ESRRB: variants seen among roughly 807,000 people sequenced by gnomAD.
ESRRB encodes the protein estrogen related receptor beta.
A neutral mutation model predicts 46.0 loss-of-function variants in ESRRB; 16 were observed. The ratio of observed to expected loss-of-function variants is 0.35; its 90% confidence interval spans 0.24 to 0.53. The LOEUF is 0.53. ESRRB is among the 20% of genes least tolerant of loss of function. The pLI is 0.93. For missense variants in ESRRB, 488 were observed against 607.4 expected, an observed-to-expected ratio of 0.80 and a Z score of 2.07; for synonymous variants, 246 against 259.6, an observed-to-expected ratio of 0.95 and a Z score of 0.50.
intron 1 of ESRRB, among the ~76,000 whole-genome samples, chr14:76,384,148 TA>T (rs1885125724): frequency 6.6e-6 from 1 of 152,166 alleles, no homozygotes; most frequent in East Asian, 1.9e-4. Context: ...CAGAGCGCAG[TA>T]TTTATCCTCT....
rs531854730 is a variant in ESRRB at position 76,474,802 on chromosome 14, C to G, written c.578-7214C>G. 4.7e-5 allele frequency among the ~76,000 whole-genome samples: 7 copies of G among 150,498 alleles called. No homozygotes were observed. The South Asian group carries it at 1.5e-3, about 32-fold the overall frequency. On this transcript the variant is annotated intron_variant, in intron 3 of 6. Transcript: ENST00000644823. Reference sequence around the variant, plus strand: ...ACTGCACTCTAGCCTGGGTGACAAACTGCGACCCTGTCTCAAACAAAACAA... The same window carrying G: ...ACTGCACTCTAGCCTGGGTGACAAAGTGCGACCCTGTCTCAAACAAAACAA...
intron 3 of ESRRB, among the ~76,000 whole-genome samples, chr14:76,471,795 C>T (rs1336872543): frequency 6.6e-6 from 1 of 152,166 alleles, no homozygotes; most frequent in Non-Finnish European, 1.5e-5. Context: ...TTTGCACTGG[C>T]TGCCTCTAAC....
chr14:76,365,435 C>T (rs1189786270), intron 1 of ESRRB, among the ~76,000 whole-genome samples: 2 of 152,182 alleles, frequency 1.3e-5, no homozygotes, highest in Non-Finnish European at 1.5e-5. Flanking sequence ...GATGTGTTCA[C>T]GCCACTGCAC....
chr14:76,477,436 C>T lies in ESRRB; in HGVS notation c.578-4580C>T, dbSNP rs537421642. On this transcript the variant is annotated intron_variant, in intron 3 of 6. Coordinates refer to ENST00000644823, the MANE Select transcript of ESRRB (RefSeq NM_001379180.1). ...TGGAACTGCTTTCCAGCTTACCAAG[C>T]ATTTTCTCATCATTAAGTCATACAA... 2.6e-5 allele frequency among the ~76,000 whole-genome samples: 4 copies of T among 152,330 alleles called. No individual in the cohort carries two copies. The East Asian group carries it at 5.8e-4, about 22-fold the overall frequency.
intron 1 of ESRRB, among the ~76,000 whole-genome samples, chr14:76,402,872 G>A (rs1886002887): frequency 6.6e-6 from 1 of 151,846 alleles, no homozygotes; most frequent in Non-Finnish European, 1.5e-5. Flanking sequence ...TCTTTTTCCT[G>A]GAGACAGGGT....
chr14:76,370,833 T>G (rs1884606164), upstream of ESRRB, among the ~76,000 whole-genome samples: 1 of 152,168 alleles, frequency 6.6e-6, no homozygotes, highest in African/African-American at 2.4e-5. Context: ...GCAGCTACCA[T>G]CTTGTATAGG....
intron 1 of ESRRB, among the ~76,000 whole-genome samples, chr14:76,438,578 C>T (rs927635951): frequency 6.6e-6 from 1 of 151,682 alleles, no homozygotes; most frequent in Non-Finnish European, 1.5e-5. Context: ...GCAGGAGAAT[C>T]GCTTGAACCC....
chr14:76,389,669 T>C (rs987028094), intron 1 of ESRRB, among the ~76,000 whole-genome samples: 1 of 152,150 alleles, frequency 6.6e-6, no homozygotes, highest in African/African-American at 2.4e-5. Flanking sequence ...GAAATCCTGG[T>C]CCCAATGGTG....
intron 1 of ESRRB, among the ~76,000 whole-genome samples, chr14:76,339,233 G>A (rs182290409): frequency 1.1e-4 from 17 of 152,248 alleles, no homozygotes; most frequent in Admixed American, 2.0e-4. Flanking sequence ...AATCAGCATC[G>A]ACTCCACTTG....
chr14:76,472,651 C>A (rs1468054498), intron 3 of ESRRB, among the ~76,000 whole-genome samples: 3 of 152,222 alleles, frequency 2.0e-5, no homozygotes, highest in African/African-American at 7.2e-5. Flanking sequence ...CCAGTGTATA[C>A]AAGGGTTGTG....
At chr14:76,452,940 G>A (rs1200611002) in intron 2 of ESRRB, among the ~76,000 whole-genome samples, 1 of 152,256 alleles carries the variant, frequency 6.6e-6, no homozygotes, top group African/African-American at 2.4e-5. Flanking sequence ...GGGGTTTTAA[G>A]TCTAAGGAGA....
rs373429794 is a variant in ESRRB, at chr14:76,491,724, C to G, written c.1120+8C>G. On this transcript the variant is annotated splice_region_variant and intron_variant, in intron 6 of 6. Transcript: ENST00000644823. ...TGGCCCTCGCCAACTCCGGTAAGGG[C>G]GGCGGCGGGGCCTGGAAGGGGAGCT... 1 of 1,568,792 alleles carries G rather than the reference C, an allele frequency of 6.4e-7. No individual in the cohort carries two copies. Among genetic ancestry groups the G allele is most frequent in the Non-Finnish European group, 8.6e-7 (1 of 1,157,650 alleles).
rs150237519 is a variant in ESRRB at position 76,348,759 on chromosome 14, G to T, written c.2+37843G>T. ...GTTAAATAAATATGGGTGATTGCGG[G>T]GTTTTGGGGTGCCACCCGGGGCTTT... On this transcript the variant is annotated intron_variant, in intron 1 of 6. Coordinates refer to the ESRRB transcript ENST00000512784. Among the ~76,000 whole-genome samples the T allele has an allele frequency of 3.0e-3, 457 of 152,286 alleles. 5 individuals carry two copies. The highest frequency in any genetic ancestry group is 0.011 in the African/African-American group (438 of 41,566).
chr14:76,390,055 T>C (rs1347044221), intron 1 of ESRRB, among the ~76,000 whole-genome samples: 1 of 152,156 alleles, frequency 6.6e-6, no homozygotes, highest in African/African-American at 2.4e-5. Flanking sequence ...CAGCTGGCCA[T>C]TAAACATTTA....
At chr14:76,443,478 C>T (rs975256550) in intron 2 of ESRRB, among the ~76,000 whole-genome samples, 6 of 151,644 alleles carry the variant, frequency 4.0e-5, no homozygotes, top group African/African-American at 1.2e-4. Context: ...ATGGTTTTTA[C>T]ACAAATCATC....
At chr14:76,358,847 G>A (rs1479768854) in intron 1 of ESRRB, among the ~76,000 whole-genome samples, 2 of 152,258 alleles carry the variant, frequency 1.3e-5, no homozygotes, top group African/African-American at 2.4e-5. Flanking sequence ...TGTAGAATCT[G>A]TAAAACTTCT....
intron 1 of ESRRB, among the ~76,000 whole-genome samples, chr14:76,378,728 G>A (rs979479674): frequency 6.6e-6 from 1 of 152,158 alleles, no homozygotes; most frequent in East Asian, 1.9e-4. Flanking sequence ...TCAAGGACGA[G>A]CTTGTGGAGG....
chr14:76,454,313 TA>T (rs1422483390), intron 2 of ESRRB, among the ~76,000 whole-genome samples: 2 of 152,156 alleles, frequency 1.3e-5, no homozygotes, highest in African/African-American at 4.8e-5. Context: ...TGAGATACTG[TA>T]CTTGAGATAC....
At chr14:76,377,798 AG>A (rs1005895049) in intron 1 of ESRRB, among the ~76,000 whole-genome samples, 7 of 152,188 alleles carry the variant, frequency 4.6e-5, no homozygotes, top group East Asian at 3.9e-4. Flanking sequence ...CTTGAGAGAG[AG>A]GGCAGCTGTC....
Sources: allele counts gnomAD v4.1 joint callset (sites outside exome capture counted in the v4.1 genomes callset), GRCh38; gene constraint gnomAD v4.1.1; transcripts MANE v1.5; gene names NCBI Gene and HGNC (gene_info 2026-07-23, HGNC 2026-07-21).